Variants in EHBP1 observed in about 807,000 individuals in gnomAD.
The protein encoded by EHBP1 is EH domain-binding protein 1.
In EHBP1, 55 loss-of-function variants were observed where a neutral mutation model predicts 144.0. That is an observed-to-expected ratio of 0.38 (90% confidence interval 0.31 to 0.48). EHBP1 has a LOEUF of 0.48. Among genes scored for constraint, EHBP1 ranks in the 20% least tolerant of loss-of-function variants. The probability of loss-of-function intolerance (pLI) is 0.98; values close to 1 mark genes in which losing one functional copy is unlikely to be tolerated. For synonymous variants in EHBP1, 469 were observed against 472.7 expected, an observed-to-expected ratio of 0.99 and a Z score of 0.10; for missense variants, 1,200 against 1,364.2, an observed-to-expected ratio of 0.88 and a Z score of 1.90.
chr2:62,748,488 TACAAAA>T (rs972734784), intron 3 of EHBP1, among the ~76,000 whole-genome samples: 3 of 152,022 alleles, frequency 2.0e-5, no homozygotes, highest in Admixed American at 2.0e-4. Flanking sequence ...ACCCCATATC[TACAAAA>T]ACAAAAACAA....
intron 10 of EHBP1, among the ~76,000 whole-genome samples, chr2:62,941,254 A>T (rs1432114999): frequency 6.6e-6 from 1 of 152,148 alleles, no homozygotes; most frequent in Non-Finnish European, 1.5e-5. Context: ...GGATCATTAC[A>T]TGAAAAGATA....
chr2:62,795,524 T>G (rs2043475969), intron 5 of EHBP1, among the ~76,000 whole-genome samples: 1 of 152,052 alleles, frequency 6.6e-6, no homozygotes, highest in Non-Finnish European at 1.5e-5. Context: ...AAGGCATCAG[T>G]ACAGTATAGT....
chr2:62,739,560 G>A (rs970831551), intron 2 of EHBP1, among the ~76,000 whole-genome samples: 2 of 152,078 alleles, frequency 1.3e-5, no homozygotes, highest in Non-Finnish European at 1.5e-5. Context: ...AAACAATAAA[G>A]TATGAAGTAT....
At chr2:62,696,810 C>A (rs1305437059) in intron 1 of EHBP1, among the ~76,000 whole-genome samples, 1 of 152,066 alleles carries the variant, frequency 6.6e-6, no homozygotes, top group African/African-American at 2.4e-5. Context: ...AGCCACCACG[C>A]CTGACCTTTT....
intron 5 of EHBP1, among the ~76,000 whole-genome samples, chr2:62,789,529 C>G (rs559965222): frequency 7.2e-5 from 11 of 151,866 alleles, no homozygotes; most frequent in African/African-American, 2.2e-4. Flanking sequence ...GTGCCTCAAA[C>G]GTGCACAACC....
chr2:62,730,648 C>T (rs1573004982), intron 2 of EHBP1, among the ~76,000 whole-genome samples: 1 of 148,920 alleles, frequency 6.7e-6, no homozygotes, highest in African/African-American at 2.5e-5. Context: ...GAGACAGAGA[C>T]AGAGAGAGAT....
chr2:62,980,389 T>G (rs1021462294), intron 15 of EHBP1, among the ~76,000 whole-genome samples: 19 of 152,130 alleles, frequency 1.2e-4, no homozygotes, highest in African/African-American at 4.6e-4. Flanking sequence ...ATTCGCCCTG[T>G]TAGGCCAGGT....
At chr2:62,943,913 T>A in intron 12 of EHBP1, 63 bp downstream of exon 12, 1 of 1,281,192 alleles carries the variant, frequency 7.8e-7, no homozygotes, top group Non-Finnish European at 1.1e-6. Context: ...AGGTCTTTAT[T>A]AATTTGGAGA....
At chr2:62,799,786 G>A (rs1440455264) in intron 5 of EHBP1, among the ~76,000 whole-genome samples, 1 of 152,120 alleles carries the variant, frequency 6.6e-6, no homozygotes, top group Non-Finnish European at 1.5e-5. Context: ...TATGGCACCA[G>A]AATATGAAAG....
chr2:62,828,984 G>A (rs2046556836), intron 6 of EHBP1, among the ~76,000 whole-genome samples: 1 of 152,042 alleles, frequency 6.6e-6, no homozygotes, highest in Non-Finnish European at 1.5e-5. Context: ...TGGGCATTGT[G>A]CTCTACACCT....
At chr2:62,725,656 A>T (rs904332997) in intron 2 of EHBP1, among the ~76,000 whole-genome samples, 2 of 152,176 alleles carry the variant, frequency 1.3e-5, no homozygotes, top group Non-Finnish European at 2.9e-5. Flanking sequence ...CGAGGCTCCC[A>T]TTGAAATATG....
intron 1 of EHBP1, among the ~76,000 whole-genome samples, chr2:62,691,290 A>G (rs1417912116): frequency 1.2e-4 from 18 of 152,232 alleles, no homozygotes; most frequent in Admixed American, 1.2e-3. Context: ...TGAGAGACCC[A>G]GGCTTCTTCC....
At chr2:62,741,787 C>A (rs752000877) in intron 2 of EHBP1, among the ~76,000 whole-genome samples, 22 of 151,980 alleles carry the variant, frequency 1.4e-4, no homozygotes, top group Non-Finnish European at 2.9e-4. Context: ...GGGAAAAAAA[C>A]CAATAGAAAT....
At chr2:62,696,508 C>CTTTTTTTTTTTT (rs869081763) in intron 1 of EHBP1, among the ~76,000 whole-genome samples, 173 of 76,776 alleles carry the variant, frequency 2.3e-3, no homozygotes, top group East Asian at 7.2e-3. Context: ...TTTTTTTCTT[C>CTTTTTTTTTTTT]TTTTTTTTTT....
chr2:63,007,973 C>G (rs189280424), intron 19 of EHBP1, among the ~76,000 whole-genome samples: 149 of 151,782 alleles, frequency 9.8e-4, no homozygotes, highest in Non-Finnish European at 1.6e-3. Flanking sequence ...TCCCCTCCCC[C>G]ATATGTGCAG....
At chr2:62,729,524 A>G (rs1476143260) in intron 2 of EHBP1, among the ~76,000 whole-genome samples, 7 of 121,886 alleles carry the variant, frequency 5.7e-5, no homozygotes, top group African/African-American at 2.2e-4. Flanking sequence ...AAATAAATAA[A>G]TATAATATAT....
At chr2:62,945,622 C>T (rs958145622) in intron 12 of EHBP1, among the ~76,000 whole-genome samples, 3 of 152,102 alleles carry the variant, frequency 2.0e-5, no homozygotes, top group African/African-American at 7.2e-5. Context: ...TGGTGGCATG[C>T]ACCTGTAGTC....
intron 14 of EHBP1, among the ~76,000 whole-genome samples, chr2:62,963,269 T>C (rs1331671262): frequency 6.6e-6 from 1 of 152,178 alleles, no homozygotes; most frequent in East Asian, 1.9e-4. Flanking sequence ...GGGTGAGACA[T>C]CAACCGCGTA....
intron 3 of EHBP1, among the ~76,000 whole-genome samples, chr2:62,752,961 C>T (rs901208985): frequency 6.6e-6 from 1 of 152,074 alleles, no homozygotes; most frequent in Non-Finnish European, 1.5e-5. Context: ...ATCCAAATTG[C>T]CAGTTTGTTT....
Sources: gnomAD v4.1 joint callset for allele counts (sites outside exome capture counted in the v4.1 genomes callset) on GRCh38, gnomAD v4.1.1 for gene constraint, MANE v1.5 for transcripts, NCBI Gene and HGNC (gene_info 2026-07-23, HGNC 2026-07-21) for gene names.